PDZD8: variants seen among roughly 807,000 people sequenced by gnomAD.
The protein encoded by PDZD8 is PDZ domain-containing protein 8.
Under a neutral mutation model 85.8 loss-of-function variants are expected in PDZD8, and 14 were observed. That is an observed-to-expected ratio of 0.16 (90% CI 0.11 to 0.26). The LOEUF (loss-of-function observed/expected upper bound fraction) is 0.26, where lower values mean the gene tolerates loss of function less well. Among genes scored for constraint, PDZD8 ranks in the 10% least tolerant of loss-of-function variants. PDZD8 has a pLI of 1.00. For synonymous variants in PDZD8, 592 were observed against 568.6 expected (o/e 1.04, Z -0.59); for missense variants, 1,197 against 1,424.3 (o/e 0.84, Z 2.57).
chr10:117,373,478 C>G (rs540176477), intron 1 of PDZD8, among the ~76,000 whole-genome samples: 108 of 152,152 alleles, frequency 7.1e-4, no homozygotes, highest in Admixed American at 1.5e-3. Flanking sequence ...TATTCCCGGG[C>G]CGGGCGCGGT....
At chr10:117,332,222 A>C (rs1844430204) in intron 2 of PDZD8, among the ~76,000 whole-genome samples, 1 of 152,152 alleles carries the variant, frequency 6.6e-6, no homozygotes, top group Non-Finnish European at 1.5e-5. Context: ...TTTTGAGTGC[A>C]ACTTTTCCTT....
At chr10:117,303,318 T>A (rs377099671) in intron 3 of PDZD8, among the ~76,000 whole-genome samples, 1 of 152,126 alleles carries the variant, frequency 6.6e-6, no homozygotes, top group Non-Finnish European at 1.5e-5. Context: ...CCCTAGAGAT[T>A]TGTGGAATTT....
intron 4 of PDZD8, among the ~76,000 whole-genome samples, chr10:117,289,336 T>C (rs991128379): frequency 1.3e-5 from 2 of 152,268 alleles, no homozygotes; most frequent in African/African-American, 2.4e-5. Flanking sequence ...CAAGGACAAC[T>C]GCACCTTGAT....
chr10:117,277,415 T>C lies in PDZD8; in HGVS notation c.*5853A>G. 2.1e-6 allele frequency: 1 copy of C among 485,712 alleles called. No homozygotes were observed. The highest frequency in any genetic ancestry group is 3.6e-6 in the Non-Finnish European group (1 of 277,622). 30.1% of individuals were successfully genotyped at this position (485,712 alleles called of 1,614,324 possible). ...TATTATTTCCTTTCCATGGTTATGG[T>C]CGATTGCCAACAGCCTTATAAAGAA... On this transcript the variant is annotated 3_prime_UTR_variant, in exon 5 of 5. Transcript: ENST00000334464.
intron 2 of PDZD8, among the ~76,000 whole-genome samples, chr10:117,328,877 C>A (rs986936461): frequency 1.3e-5 from 2 of 152,178 alleles, no homozygotes; most frequent in Admixed American, 6.6e-5. Context: ...TGGGCCACAG[C>A]ACCAGGCCTT....
intron 2 of PDZD8, among the ~76,000 whole-genome samples, chr10:117,333,130 A>ACAAAAC (rs1564703019): frequency 2.0e-5 from 3 of 149,038 alleles, no homozygotes; most frequent in African/African-American, 7.3e-5. Flanking sequence ...AAAAAAAAAA[A>ACAAAAC]AAAAAAAAAA....
chr10:117,342,669 G>A (rs898125516), intron 1 of PDZD8, among the ~76,000 whole-genome samples: 2 of 151,994 alleles, frequency 1.3e-5, no homozygotes, highest in Non-Finnish European at 2.9e-5. Flanking sequence ...GCAGAGATGG[G>A]GTTTTGCCAC....
At chr10:117,295,913 C>G (rs1374422513) in intron 3 of PDZD8, among the ~76,000 whole-genome samples, 2 of 151,884 alleles carry the variant, frequency 1.3e-5, no homozygotes, top group Non-Finnish European at 2.9e-5. Flanking sequence ...TGTTTTATAA[C>G]TCAGATCAGT....
chr10:117,374,241 G>A lies in PDZD8; in HGVS notation c.872+115C>T. 3 of 1,467,280 alleles carry A rather than the reference G, an allele frequency of 2.0e-6. No individual in the cohort carries two copies. The highest frequency in any genetic ancestry group is 2.7e-6 in the Non-Finnish European group (3 of 1,095,658). 90.9% of individuals were successfully genotyped at this position (1,467,280 alleles called of 1,614,324 possible). On this transcript the variant is annotated intron_variant, in intron 1 of 4. Coordinates refer to ENST00000334464, the MANE Select transcript of PDZD8 (RefSeq NM_173791.5). The surrounding 1 kb of genome is among the most constrained non-coding windows in gnomAD (Gnocchi z 7.8). ...CTGGGGCCCTGTCCAGGGTGGGAAG[G>A]CCCCAGAAGCAGGCGCCAGGACAGA...
intron 4 of PDZD8, among the ~76,000 whole-genome samples, chr10:117,289,976 C>T (rs1844728154): frequency 6.6e-6 from 1 of 152,136 alleles, no homozygotes; most frequent in African/African-American, 2.4e-5. Flanking sequence ...AAGATTTATA[C>T]ACTAGAACTA....
intron 1 of PDZD8, among the ~76,000 whole-genome samples, chr10:117,347,415 G>A (rs1278135559): frequency 6.6e-6 from 1 of 152,088 alleles, no homozygotes; most frequent in Non-Finnish European, 1.5e-5. Context: ...GCTGGAAGAT[G>A]CCCCCTAGAG....
chr10:117,290,831 G>A lies in PDZD8; in HGVS notation c.1099-483C>T, dbSNP rs180899380. ...AAATGATCTATGTCATTCATAATAT[G>A]TGCTTTGGAAACTCCATTTTGTATG... On this transcript the variant is annotated intron_variant, in intron 3 of 4. Coordinates refer to ENST00000334464, the MANE Select transcript of PDZD8 (RefSeq NM_173791.5). Among the ~76,000 whole-genome samples, 63 of 145,114 alleles carry A rather than the reference G, an allele frequency of 4.3e-4. 1 individual carries two copies. The highest frequency in any genetic ancestry group is 1.6e-3 in the African/African-American group (62 of 38,892).
At chr10:117,332,616 C>A (rs1353665894) in intron 2 of PDZD8, among the ~76,000 whole-genome samples, 1 of 148,352 alleles carries the variant, frequency 6.7e-6, no homozygotes, top group Non-Finnish European at 1.5e-5. Context: ...AGGTGATTAT[C>A]TTGCCTCAGC....
chr10:117,372,697 A>C (rs963206194), intron 1 of PDZD8, among the ~76,000 whole-genome samples: 6 of 152,238 alleles, frequency 3.9e-5, no homozygotes, highest in African/African-American at 9.6e-5. Context: ...TCTACTTCAC[A>C]GAACCAGAAA....
chr10:117,305,274 T>C (rs1220864914), intron 3 of PDZD8, among the ~76,000 whole-genome samples: 1 of 151,952 alleles, frequency 6.6e-6, no homozygotes, highest in Non-Finnish European at 1.5e-5. Flanking sequence ...TTAGCCAGCA[T>C]GGTAGTGCGT....
In PDZD8 at chr10:117,290,220, A is replaced by T; in HGVS notation, c.1227T>A (p.Asp409Glu). The change falls in exon 4 of 5, where the codon GAT (aspartate) becomes GAA (glutamate). Residue 409 changes from aspartate (D) to glutamate (E), a missense_variant. Physicochemically the swap from Asp to Glu is conservative, Grantham distance 45. This residue lies in a region of PDZD8 where 344 missense variants were observed against 453.6 expected (regional missense o/e 0.76). Transcript: ENST00000334464. ...CGATAAGTCGATCTCCCCGCTGAAGATCTGCAATTGCAGCAGGCGAGTTTG... is the reference window on the plus strand; with the variant it reads ...CGATAAGTCGATCTCCCCGCTGAAGTTCTGCAATTGCAGCAGGCGAGTTTG... Reference protein sequence around the residue: ...VAPNSPAAIADLQRGDRLIAI... With the variant: ...VAPNSPAAIAELQRGDRLIAI... 6.2e-7 allele frequency: 1 copy of T among 1,614,098 alleles called. No homozygotes were observed.
intron 2 of PDZD8, among the ~76,000 whole-genome samples, chr10:117,322,679 A>T (rs1844246014): frequency 6.6e-6 from 1 of 151,958 alleles, no homozygotes; most frequent in African/African-American, 2.4e-5. Context: ...AGAAATGGGA[A>T]AATCATTGGC....
At chr10:117,366,860 T>C (rs1845099355) in intron 1 of PDZD8, among the ~76,000 whole-genome samples, 1 of 152,164 alleles carries the variant, frequency 6.6e-6, no homozygotes, top group African/African-American at 2.4e-5. Flanking sequence ...CTCTCCCACA[T>C]AGGAGTTTTA....
At chr10:117,368,994 T>G (rs529260458) in intron 1 of PDZD8, among the ~76,000 whole-genome samples, 1 of 151,630 alleles carries the variant, frequency 6.6e-6, no homozygotes, top group Non-Finnish European at 1.5e-5. Flanking sequence ...CAGCTGGGAC[T>G]GCAGGTGCGT....
Sources: allele counts gnomAD v4.1 joint callset (sites outside exome capture counted in the v4.1 genomes callset), GRCh38; gene constraint gnomAD v4.1.1; regional missense constraint gnomAD v4.1.1; non-coding constraint Gnocchi (gnomAD v3.1); transcripts MANE v1.5; gene names NCBI Gene and HGNC (gene_info 2026-07-23, HGNC 2026-07-21).